Variants in ZCCHC4 observed in about 807,000 individuals in gnomAD.
ZCCHC4 encodes the protein zinc finger CCHC-type containing 4, also known as rRNA N(6)-adenosine-methyltransferase ZCCHC4.
In ZCCHC4, 54 loss-of-function variants were observed where a neutral mutation model predicts 67.7. That is an observed-to-expected ratio of 0.80 (90% CI 0.64 to 1.00). ZCCHC4 has a LOEUF of 1.00. ZCCHC4 is among the 50% of genes least tolerant of loss of function. The pLI, the probability that ZCCHC4 is intolerant of heterozygous loss-of-function variation, is 0.00. For synonymous variants in ZCCHC4, 198 were observed against 213.5 expected (o/e 0.93, Z 0.63); for missense variants, 609 against 617.0 (o/e 0.99, Z 0.14).
At chr4:25,368,625 T>C (rs1721034574) in intron 12 of ZCCHC4, among the ~76,000 whole-genome samples, 1 of 152,220 alleles carries the variant, frequency 6.6e-6, no homozygotes, top group African/African-American at 2.4e-5. Context: ...CTGTCTCTGC[T>C]GACTGCCCCA....
intron 7 of ZCCHC4, among the ~76,000 whole-genome samples, chr4:25,350,728 CAT>C (rs779402509): frequency 2.6e-5 from 4 of 152,238 alleles, no homozygotes; most frequent in African/African-American, 4.8e-5. Flanking sequence ...AAACGTGACT[CAT>C]ATTGTTAAGT....
chr4:25,364,655 C>T lies in ZCCHC4; in HGVS notation c.1261+150C>T. ...TGCTTTTTAATTTTATAGTTATCAG[C>T]ATGTATGTTCTGCCATGTTCCGCCT... On this transcript the variant is annotated intron_variant, in intron 11 of 12. Transcript: ENST00000302874. 4.1e-6 allele frequency: 3 copies of T among 732,204 alleles called. 1 individual carries two copies. In the South Asian group the frequency reaches 6.0e-5, roughly 15 times the overall value. The allele number at this position is 732,204 out of a possible 1,614,324, so 45.4% of individuals were successfully genotyped here. A position where few individuals can be genotyped will look rare whatever the true frequency, so the allele number is the denominator to read the frequency against.
At chr4:25,319,236 T>C (rs540068422) in intron 3 of ZCCHC4, among the ~76,000 whole-genome samples, 4 of 151,986 alleles carry the variant, frequency 2.6e-5, no homozygotes, top group Admixed American at 2.0e-4. Flanking sequence ...ACAAATAAAA[T>C]TAGCTGGGCG....
Position 25,370,178 on chromosome 4 carries a change from G to A in ZCCHC4, c.*1014G>A, listed in dbSNP as rs936152003. The stretch of plus-strand genomic sequence containing the variant: ...GCAGTAAGATTCTGTCTTTGTAAAA[G>A]TAGTTCGTAGCAGAAGCCAGGATAG... On this transcript the variant is annotated 3_prime_UTR_variant, in exon 13 of 13. Coordinates refer to ENST00000302874, the MANE Select transcript of ZCCHC4 (RefSeq NM_024936.3). 2.6e-5 allele frequency: 4 copies of A among 152,162 alleles called. No individual in the cohort carries two copies. The allele number at this position is 152,162 out of a possible 1,614,324, so 9.4% of individuals were successfully genotyped here.
intron 3 of ZCCHC4, among the ~76,000 whole-genome samples, chr4:25,329,544 T>A (rs1415827495): frequency 3.3e-5 from 5 of 149,920 alleles, no homozygotes; most frequent in African/African-American, 4.9e-5. Flanking sequence ...TTTTTTTTTT[T>A]TTTTGTTTTG....
intron 11 of ZCCHC4, 122 bp downstream of exon 11, chr4:25,364,627 A>T (rs1309146097): frequency 3.3e-6 from 3 of 908,098 alleles, no homozygotes; most frequent in Non-Finnish European, 5.0e-6. Flanking sequence ...CTTGTAATTT[A>T]TTTGCTTTTT....
chr4:25,314,033 A>G lies in ZCCHC4; in HGVS notation c.128-13A>G. 1.3e-5 allele frequency: 11 copies of G among 868,306 alleles called. No homozygotes were observed. The highest frequency in any genetic ancestry group is 1.2e-4 in the South Asian group (6 of 49,080). The allele number at this position is 868,306 out of a possible 1,614,324, so 53.8% of individuals were successfully genotyped here. ...CTTGACACTTTTTTTTTTTTTTTCT[A>G]TTCTGGAACTAGGACCCACTCTTCT... is the stretch of plus-strand genomic sequence containing the variant. On this transcript the variant is annotated splice_polypyrimidine_tract_variant and intron_variant, in intron 1 of 12. Transcript: ENST00000302874.
intron 3 of ZCCHC4, among the ~76,000 whole-genome samples, chr4:25,320,188 T>A (rs972100615): frequency 6.6e-6 from 1 of 152,206 alleles, no homozygotes; most frequent in African/African-American, 2.4e-5. Context: ...TTTGCTTTTT[T>A]TTTTATAGTT....
chr4:25,354,713 G>A (rs1233960938), intron 8 of ZCCHC4, among the ~76,000 whole-genome samples: 1 of 151,634 alleles, frequency 6.6e-6, no homozygotes, highest in Non-Finnish European at 1.5e-5. Context: ...GCCCAGGCTG[G>A]TCTCGAACTC....
chr4:25,326,401 G>C (rs1007975852), intron 3 of ZCCHC4, among the ~76,000 whole-genome samples: 1 of 152,148 alleles, frequency 6.6e-6, no homozygotes, highest in Non-Finnish European at 1.5e-5. Flanking sequence ...ATTCTCTTTG[G>C]TCCTATATGT....
chr4:25,314,732 A>G (rs1269631705), intron 2 of ZCCHC4, among the ~76,000 whole-genome samples: 1 of 152,212 alleles, frequency 6.6e-6, no homozygotes, highest in African/African-American at 2.4e-5. Flanking sequence ...CATTGGGGTT[A>G]AGGCTTCAAC....
Position 25,364,475 on chromosome 4 carries a change from T to G in ZCCHC4, c.1231T>G (p.Cys411Gly). 6.5e-7 allele frequency: 1 copy of G among 1,548,900 alleles called. No individual in the cohort carries two copies. ...TSKDGRKWNH[C>G]FLCKKCVKPS... is the part of the protein sequence containing the mutation. Reference sequence around the variant, plus strand: ...GTAGGATGGCAGGAAATGGAACCATTGCTTTCTCTGTAAAAAGTGTGTAAA... The same window carrying G: ...GTAGGATGGCAGGAAATGGAACCATGGCTTTCTCTGTAAAAAGTGTGTAAA... The change falls in exon 11 of 13, where the codon TGC (cysteine) becomes GGC (glycine). Residue 411 changes from cysteine to glycine, a missense_variant. Coordinates refer to ENST00000302874, the MANE Select transcript of ZCCHC4 (RefSeq NM_024936.3).
At chr4:25,367,146 A>T (rs960538340) in intron 12 of ZCCHC4, among the ~76,000 whole-genome samples, 1 of 152,102 alleles carries the variant, frequency 6.6e-6, no homozygotes, top group African/African-American at 2.4e-5. Context: ...CAGCTATCTT[A>T]TATTAATTTG....
chr4:25,332,915 C>T (rs73254147), intron 3 of ZCCHC4, among the ~76,000 whole-genome samples: 6,170 of 152,190 alleles, frequency 0.041, 146 homozygotes, highest in African/African-American at 0.063. Flanking sequence ...ATATTATGTT[C>T]ACATTTTAAA....
chr4:25,324,917 T>G (rs998156659), intron 3 of ZCCHC4, among the ~76,000 whole-genome samples: 2 of 152,220 alleles, frequency 1.3e-5, no homozygotes, highest in African/African-American at 4.8e-5. Flanking sequence ...CCTTATACAT[T>G]GTGGATACAA....
intron 8 of ZCCHC4, 90 bp from the exon 9 acceptor site, chr4:25,361,769 G>A: frequency 7.8e-7 from 1 of 1,283,444 alleles, no homozygotes; most frequent in Non-Finnish European, 1.1e-6. Flanking sequence ...CTCATATATT[G>A]GCATCAGTTT....
chr4:25,369,151 A>G lies in ZCCHC4; in HGVS notation c.1529A>G (p.Tyr510Cys). ...AAAAGGAGGGAAAGAGCCCATCAAT[A>G]TCTTGGCTCTTAAATGTCCAGTGAC... ...RKKRRERAHQ[Y>C]LGS is the part of the protein sequence containing the mutation. Residue 510 changes from tyrosine (Y) to cysteine (C), a missense_variant, in exon 13 of 13, where the codon TAT (tyrosine) becomes TGT (cysteine). Transcript: ENST00000302874. The G allele has an allele frequency of 6.2e-7, 1 of 1,611,986 alleles. No homozygotes were observed. Among genetic ancestry groups the G allele is most frequent in the Non-Finnish European group, 8.5e-7 (1 of 1,179,560 alleles).
At chr4:25,321,663 G>A (rs1386452262) in intron 3 of ZCCHC4, among the ~76,000 whole-genome samples, 1 of 152,078 alleles carries the variant, frequency 6.6e-6, no homozygotes, top group African/African-American at 2.4e-5. Flanking sequence ...GTGTGCCACG[G>A]CGCCTGGCTG....
chr4:25,360,620 T>C (rs1002863109), intron 8 of ZCCHC4, among the ~76,000 whole-genome samples: 2 of 152,242 alleles, frequency 1.3e-5, no homozygotes, highest in Admixed American at 1.3e-4. Flanking sequence ...GCATCCACTT[T>C]GGCAAAGTGG....
Sources: gnomAD v4.1 joint callset for allele counts (sites outside exome capture counted in the v4.1 genomes callset) on GRCh38, gnomAD v4.1.1 for gene constraint, MANE v1.5 for transcripts, NCBI Gene and HGNC (gene_info 2026-07-23, HGNC 2026-07-21) for gene names.